LAPTM4B: variants seen among roughly 807,000 people sequenced by gnomAD.
The protein encoded by LAPTM4B is lysosomal protein transmembrane 4 beta, also known as lysosomal-associated transmembrane protein 4B.
Under a neutral mutation model 28.5 loss-of-function variants are expected in LAPTM4B, and 26 were observed. That is an observed-to-expected ratio of 0.91 (90% CI 0.67 to 1.27). LAPTM4B has a LOEUF of 1.27. Among genes scored for constraint, LAPTM4B ranks in the 50% most tolerant of loss-of-function variants. The pLI is 0.00. For missense variants in LAPTM4B, 288 were observed against 285.8 expected, an observed-to-expected ratio of 1.01 and a Z score of -0.06; for synonymous variants, 109 against 106.4, an observed-to-expected ratio of 1.02 and a Z score of -0.15.
chr8:97,797,040 A>G (rs1816595925), intron 1 of LAPTM4B, among the ~76,000 whole-genome samples: 1 of 152,148 alleles, frequency 6.6e-6, no homozygotes, highest in Admixed American at 6.6e-5. Context: ...CTGTGGGAGC[A>G]TCGCTTAAAC....
rs1816474976 is a variant in LAPTM4B, at chr8:97,790,060, T to A, written c.99+13952T>A. ...GCAAATGACAAGATCTCATTATGGC[T>A]GAATAGTACTCCATTCTGTATATGT... is the stretch of plus-strand genomic sequence containing the variant. On this transcript the variant is annotated intron_variant, in intron 1 of 6. Coordinates refer to ENST00000521545, the MANE Select transcript of LAPTM4B (RefSeq NM_018407.6). 2.0e-5 allele frequency among the ~76,000 whole-genome samples: 3 copies of A among 152,360 alleles called. No individual in the cohort carries two copies. The East Asian group carries it at 5.8e-4, about 29-fold the overall frequency.
chr8:97,782,351 CAGCCTTGTCTTCCCTGGCTCA>C, intron 1 of LAPTM4B, among the ~76,000 whole-genome samples: 2 of 110,834 alleles, frequency 1.8e-5, no homozygotes, highest in African/African-American at 8.0e-5. Context: ...TGGCTCAATG[CAGCCTTGTCTTCCCTGGCTCA>C]AGCAGCCTTG....
Position 97,775,836 on chromosome 8 carries a change from G to A in LAPTM4B, c.-174G>A, listed in dbSNP as rs1179520047. The A allele has an allele frequency of 1.9e-6, 3 of 1,545,612 alleles. No individual in the cohort carries two copies. Among genetic ancestry groups the A allele is most frequent in the South Asian group, 1.2e-5 (1 of 85,252 alleles). The stretch of plus-strand genomic sequence containing the variant: ...CTTCGGAGCGAAGGGTACCGACCCG[G>A]CAGAAGCTCGGAGCTCTCGGGGTAT... On this transcript the variant is annotated 5_prime_UTR_variant, in exon 1 of 7. Coordinates refer to ENST00000521545, the MANE Select transcript of LAPTM4B (RefSeq NM_018407.6).
intron 4 of LAPTM4B, among the ~76,000 whole-genome samples, chr8:97,817,868 G>A (rs969905476): frequency 3.9e-5 from 6 of 152,176 alleles, no homozygotes; most frequent in African/African-American, 1.4e-4. Context: ...GAGATTACAG[G>A]CGTGAGCCAC....
At chr8:97,788,572 A>G (rs1255999693) in intron 1 of LAPTM4B, among the ~76,000 whole-genome samples, 1 of 152,142 alleles carries the variant, frequency 6.6e-6, no homozygotes, top group Non-Finnish European at 1.5e-5. Flanking sequence ...TTTAACACCC[A>G]AAGTACACAG....
At chr8:97,782,720 GC>G (rs1314309455) in intron 1 of LAPTM4B, among the ~76,000 whole-genome samples, 1 of 148,576 alleles carries the variant, frequency 6.7e-6, no homozygotes, top group African/African-American at 2.5e-5. Context: ...ACGGGCGTGA[GC>G]CACCGTCCCC....
chr8:97,791,965 C>G lies in LAPTM4B; in HGVS notation c.100-13388C>G, dbSNP rs1458077510. Reference sequence around the variant, plus strand: ...AGGAAGACGTCCTAAAAGGATGGTACTGTTGACTGAACTGGTGAATCAGAA... The same window carrying G: ...AGGAAGACGTCCTAAAAGGATGGTAGTGTTGACTGAACTGGTGAATCAGAA... On this transcript the variant is annotated intron_variant, in intron 1 of 6. Coordinates refer to ENST00000521545, the MANE Select transcript of LAPTM4B (RefSeq NM_018407.6). Among the ~76,000 whole-genome samples the G allele has an allele frequency of 3.3e-5, 5 of 152,220 alleles. 1 individual carries two copies. The South Asian group carries it at 1.0e-3, about 32-fold the overall frequency.
At chr8:97,827,140 C>T (rs916454757) in intron 6 of LAPTM4B, among the ~76,000 whole-genome samples, 1 of 152,184 alleles carries the variant, frequency 6.6e-6, no homozygotes, top group Non-Finnish European at 1.5e-5. Context: ...GGTTTTCATC[C>T]ACAGTTCCTG....
intron 4 of LAPTM4B, among the ~76,000 whole-genome samples, chr8:97,817,428 G>A (rs1363892199): frequency 7.0e-6 from 1 of 142,670 alleles, no homozygotes; most frequent in Non-Finnish European, 1.5e-5. Flanking sequence ...GTGACTCACT[G>A]TACCAGGCCA....
chr8:97,843,097 T>C (rs1452923761), intron 6 of LAPTM4B, among the ~76,000 whole-genome samples: 1 of 151,238 alleles, frequency 6.6e-6, no homozygotes, highest in Non-Finnish European at 1.5e-5. Context: ...GCCAGGCTGG[T>C]CTCTACCTTT....
chr8:97,800,567 G>A lies in LAPTM4B; in HGVS notation c.100-4786G>A, dbSNP rs765334230. Among the ~76,000 whole-genome samples the A allele has an allele frequency of 1.9e-4, 27 of 143,530 alleles. 1 individual carries two copies. In the Admixed American group the frequency reaches 2.0e-3, roughly 11 times the overall value. 94.2% of individuals were successfully genotyped at this position (143,530 alleles called of 152,430 possible). A position where few individuals can be genotyped will look rare whatever the true frequency, so the allele number is the denominator to read the frequency against. ...GCTAGAGTGCAACGATGCAATCTCG[G>A]CTCACGGTAACCTCCGCCTCCCGGG... On this transcript the variant is annotated intron_variant, in intron 1 of 6. Transcript: ENST00000521545.
chr8:97,847,854 A>G (rs989827510), intron 6 of LAPTM4B, among the ~76,000 whole-genome samples: 5 of 152,248 alleles, frequency 3.3e-5, no homozygotes, highest in African/African-American at 9.6e-5. Context: ...AGGAAAAGTG[A>G]AAACAAGGGA....
chr8:97,795,134 T>C (rs1203674786), intron 1 of LAPTM4B, among the ~76,000 whole-genome samples: 1 of 152,180 alleles, frequency 6.6e-6, no homozygotes, highest in African/African-American at 2.4e-5. Flanking sequence ...GAATCTCACT[T>C]TGTCACTCAG....
chr8:97,799,948 A>G (rs902893084), intron 1 of LAPTM4B, among the ~76,000 whole-genome samples: 1 of 151,830 alleles, frequency 6.6e-6, no homozygotes, highest in African/African-American at 2.4e-5. Context: ...TCAGGCTCCA[A>G]ATCTTCATCT....
At position 97,851,853 on chromosome 8, in the gene LAPTM4B, A is replaced by G. The variant is rs1252503087; in HGVS notation, c.*379A>G. On this transcript the variant is annotated 3_prime_UTR_variant, in exon 7 of 7. Transcript: ENST00000521545. ...TGTAAAATAAAACCAAAAATAGACA[A>G]CTTTTTCTTCAGCCATTCCAGCATA... The G allele has an allele frequency of 4.9e-6, 1 of 205,046 alleles. No homozygotes were observed. The highest frequency in any genetic ancestry group is 1.3e-4 in the East Asian group (1 of 7,942). The allele number at this position is 205,046 out of a possible 1,614,324, so 12.7% of individuals were successfully genotyped here.
intron 1 of LAPTM4B, among the ~76,000 whole-genome samples, chr8:97,801,992 T>C (rs1816690897): frequency 6.6e-6 from 1 of 152,212 alleles, no homozygotes; most frequent in African/African-American, 2.4e-5. Context: ...GAAAGTTTTC[T>C]TCAGATAGTT....
intron 2 of LAPTM4B, among the ~76,000 whole-genome samples, chr8:97,807,473 A>G (rs1263908660): frequency 6.6e-6 from 1 of 152,180 alleles, no homozygotes; most frequent in East Asian, 1.9e-4. Flanking sequence ...CATGCTTAGA[A>G]TGGGGCCTGG....
intron 1 of LAPTM4B, among the ~76,000 whole-genome samples, chr8:97,784,487 T>G (rs1816372154): frequency 6.6e-6 from 1 of 152,214 alleles, no homozygotes; most frequent in East Asian, 1.9e-4. Context: ...TCACCCAGGC[T>G]GGAGTGCAGT....
At chr8:97,789,982 G>A (rs1816473774) in intron 1 of LAPTM4B, among the ~76,000 whole-genome samples, 1 of 152,186 alleles carries the variant, frequency 6.6e-6, no homozygotes, top group Non-Finnish European at 1.5e-5. Context: ...TTGGTTTCCT[G>A]TGCCTGGCTT....
Sources: gnomAD v4.1 joint callset for allele counts (sites outside exome capture counted in the v4.1 genomes callset) on GRCh38, gnomAD v4.1.1 for gene constraint, MANE v1.5 for transcripts, NCBI Gene and HGNC (gene_info 2026-07-23, HGNC 2026-07-21) for gene names.